AFAP1L2: variants seen among roughly 807,000 people sequenced by gnomAD.
AFAP1L2 encodes actin filament associated protein 1 like 2.
Under a neutral mutation model 99.3 loss-of-function variants are expected in AFAP1L2, and 46 were observed. That is an observed-to-expected ratio of 0.46 (90% CI 0.37 to 0.59). AFAP1L2 has a LOEUF of 0.59. AFAP1L2 is among the 20% of genes least tolerant of loss of function. The probability of loss-of-function intolerance (pLI) is 0.00; values close to 1 mark genes in which losing one functional copy is unlikely to be tolerated. For synonymous variants in AFAP1L2, 397 were observed against 419.1 expected (o/e 0.95, Z 0.64); for missense variants, 959 against 1,034.9 (o/e 0.93, Z 1.01).
intron 7 of AFAP1L2, among the ~76,000 whole-genome samples, chr10:114,310,963 G>A (rs57422922): frequency 0.058 from 5,475 of 93,906 alleles, 336 homozygotes; most frequent in African/African-American, 0.16. Flanking sequence ...CCACCCACCC[G>A]CCCGCCCGCC....
Position 114,295,050 on chromosome 10 carries a change from A to AAGAC in AFAP1L2, c.*988_*991dup. On this transcript the variant is annotated 3_prime_UTR_variant, in exon 19 of 19. Transcript: ENST00000304129. ...AAAAAAAAAAATGCCATCAGAGGAA[A>AAGAC]AGACAGGGGCAGCACAAGGAACAGC... The AAGAC allele has an allele frequency of 1.0e-6, 1 of 985,586 alleles. No individual in the cohort carries two copies. The highest frequency in any genetic ancestry group is 1.2e-6 in the Non-Finnish European group (1 of 829,890). The allele number at this position is 985,586 out of a possible 1,614,324, so 61.1% of individuals were successfully genotyped here.
Position 114,301,426 on chromosome 10 carries a change from G to T in AFAP1L2, c.1470C>A (p.Ile490=). ...QRKFSEPNTY[I]DGLPSQDRQE... ...GGCGGTCCTGGCTAGGCAGGCCATC[G>T]ATGTAAGTGTTGGGCTCTGAGAACT... The change falls in exon 13 of 19, where the codon ATC becomes ATA. Residue 490 remains isoleucine (I), a synonymous_variant. Coordinates refer to ENST00000304129, the MANE Select transcript of AFAP1L2 (RefSeq NM_001001936.3). 6.2e-7 allele frequency: 1 copy of T among 1,614,200 alleles called. No homozygotes were observed. Among genetic ancestry groups the T allele is most frequent in the African/African-American group, 1.3e-5 (1 of 75,070 alleles).
At chr10:114,404,766 G>A, upstream of AFAP1L2, 1 of 306,822 alleles carries the variant, frequency 3.3e-6, no homozygotes, top group Non-Finnish European at 5.9e-6. Flanking sequence ...CTCCCTTCAC[G>A]TCTTGACTCC....
intron 15 of AFAP1L2, 111 bp from the exon 16 acceptor site, chr10:114,299,526 CT>C: frequency 7.3e-7 from 1 of 1,373,552 alleles, no homozygotes; most frequent in Non-Finnish European, 9.9e-7. Context: ...CAAAGCCCTG[CT>C]AGGCTGGATG....
intron 2 of AFAP1L2, 113 bp from the exon 3 acceptor site, chr10:114,333,408 C>A: frequency 2.6e-6 from 2 of 765,218 alleles, no homozygotes; most frequent in South Asian, 1.6e-5. Context: ...CCAGTAAAAG[C>A]ACACAGCATT....
At chr10:114,398,307 G>A (rs116828484) in intron 1 of AFAP1L2, among the ~76,000 whole-genome samples, 102 of 152,336 alleles carry the variant, frequency 6.7e-4, no homozygotes, top group African/African-American at 2.2e-3. Flanking sequence ...TGAGCAGTTC[G>A]TCACCTATCT....
At chr10:114,384,840 T>C (rs2056291833) in intron 1 of AFAP1L2, among the ~76,000 whole-genome samples, 1 of 152,186 alleles carries the variant, frequency 6.6e-6, no homozygotes, top group African/African-American at 2.4e-5. Flanking sequence ...AGTGGGGACT[T>C]CCAAAGGCTC....
At chr10:114,351,553 CTCT>C (rs970938517) in intron 1 of AFAP1L2, among the ~76,000 whole-genome samples, 47 of 152,314 alleles carry the variant, frequency 3.1e-4, no homozygotes, top group African/African-American at 8.2e-4. Flanking sequence ...GTGACCACCA[CTCT>C]GAGGTTGGAG....
At chr10:114,302,685 C>T in intron 11 of AFAP1L2, among the ~76,000 whole-genome samples, 1 of 152,166 alleles carries the variant, frequency 6.6e-6, no homozygotes. Context: ...TCGTCAGTGA[C>T]ATCTTGATGC....
chr10:114,384,671 TG>T (rs1565059708), intron 1 of AFAP1L2, among the ~76,000 whole-genome samples: 1 of 152,222 alleles, frequency 6.6e-6, no homozygotes, highest in Non-Finnish European at 1.5e-5. Context: ...GTAAGGCCCA[TG>T]GGGAGCCCAG....
chr10:114,286,002 C>A, the AFAP1L2 span: 1 of 1,613,926 alleles, frequency 6.2e-7, no homozygotes, highest in Non-Finnish European at 8.5e-7. Context: ...TCTGCGGGCA[C>A]CACTCTGGAC....
intron 4 of AFAP1L2, among the ~76,000 whole-genome samples, chr10:114,327,147 T>TTATATTTATATATATATATATA (rs1554902751): frequency 2.6e-4 from 14 of 54,572 alleles, no homozygotes; most frequent in Non-Finnish European, 4.9e-4. Flanking sequence ...TTATATATAT[T>TTATATTTATATATATATATATA]TATATATATA....
chr10:114,354,019 G>C (rs1402661281), intron 1 of AFAP1L2, among the ~76,000 whole-genome samples: 2 of 152,182 alleles, frequency 1.3e-5, no homozygotes, highest in Non-Finnish European at 2.9e-5. Flanking sequence ...GGAGATACAA[G>C]AGTGGAAGCT....
chr10:114,314,435 T>A (rs1371173175), intron 6 of AFAP1L2, among the ~76,000 whole-genome samples: 2 of 152,220 alleles, frequency 1.3e-5, no homozygotes, highest in Non-Finnish European at 2.9e-5. Context: ...ATTGCTTGCT[T>A]GGCTTCTGGA....
chr10:114,385,099 G>T (rs370258196), intron 1 of AFAP1L2, among the ~76,000 whole-genome samples: 31 of 152,296 alleles, frequency 2.0e-4, no homozygotes, highest in African/African-American at 6.5e-4. Flanking sequence ...AGGCAGGGGG[G>T]CAGTGAAGGT....
At chr10:114,304,648 G>A (rs1225372348) in intron 11 of AFAP1L2, 71 bp downstream of exon 11, 5 of 1,381,392 alleles carry the variant, frequency 3.6e-6, no homozygotes, top group Non-Finnish European at 4.9e-6. Context: ...TTACAGTCCT[G>A]GAGACTGGCA....
At chr10:114,286,196 C>A in the AFAP1L2 span, 1 of 1,613,986 alleles carries the variant, frequency 6.2e-7, no homozygotes, top group Non-Finnish European at 8.5e-7. Flanking sequence ...CCGTGGTGGC[C>A]CCACCCTGAC....
At chr10:114,285,938 G>A in the AFAP1L2 span, 3 of 1,587,978 alleles carry the variant, frequency 1.9e-6, no homozygotes, top group Non-Finnish European at 2.6e-6. Flanking sequence ...GATCCCCGCA[G>A]CCCTGAAGCT....
At chr10:114,313,770 G>T (rs1056241898) in intron 7 of AFAP1L2, 101 bp downstream of exon 7, 50 of 1,242,106 alleles carry the variant, frequency 4.0e-5, no homozygotes, top group Non-Finnish European at 4.9e-5. Context: ...AAACTTGAAG[G>T]ATCACAAATC....
Sources: allele counts gnomAD v4.1 joint callset (sites outside exome capture counted in the v4.1 genomes callset), GRCh38; gene constraint gnomAD v4.1.1; transcripts MANE v1.5; gene names NCBI Gene and HGNC (gene_info 2026-07-23, HGNC 2026-07-21).